CWC27: variants seen among roughly 807,000 people sequenced by gnomAD.
CWC27 encodes spliceosome-associated protein CWC27 homolog.
CWC27 carries 47 observed loss-of-function variants against 63.6 expected under a neutral mutation model. The ratio of observed to expected loss-of-function variants is 0.74; its 90% CI spans 0.58 to 0.94. The LOEUF is 0.94. Among genes scored for constraint, CWC27 ranks in the 40% least tolerant of loss-of-function variants. CWC27 has a pLI of 0.00. For missense variants in CWC27, 495 were observed against 554.3 expected (o/e 0.89, Z 1.07); for synonymous variants, 175 against 179.8 (o/e 0.97, Z 0.22).
chr5:64,863,404 T>G (rs1746457842), intron 10 of CWC27, among the ~76,000 whole-genome samples: 1 of 151,960 alleles, frequency 6.6e-6, no homozygotes, highest in African/African-American at 2.4e-5. Context: ...TCTCTCCTCC[T>G]CTGTTCTCCC....
intron 10 of CWC27, among the ~76,000 whole-genome samples, chr5:64,825,845 AC>A (rs1745342393): frequency 6.6e-6 from 1 of 152,152 alleles, no homozygotes; most frequent in East Asian, 1.9e-4. Context: ...ACAATCAGTG[AC>A]TTAGGTAAAG....
intron 13 of CWC27, among the ~76,000 whole-genome samples, chr5:64,985,145 C>G (rs1469865497): frequency 6.6e-6 from 1 of 152,098 alleles, no homozygotes; most frequent in Non-Finnish European, 1.5e-5. Context: ...TGTCTTTATC[C>G]TTTCACCATT....
chr5:64,789,410 A>C (rs1435352242), intron 7 of CWC27, among the ~76,000 whole-genome samples: 2 of 152,020 alleles, frequency 1.3e-5, no homozygotes, highest in Admixed American at 6.6e-5. Flanking sequence ...TATTTTGTTT[A>C]TTTCATTAAT....
intron 1 of CWC27, among the ~76,000 whole-genome samples, chr5:64,773,328 C>T (rs193149813): frequency 3.0e-4 from 46 of 152,186 alleles, no homozygotes; most frequent in African/African-American, 1.0e-3. Flanking sequence ...TTGAAAGCAA[C>T]ATTATGCTAA....
At chr5:64,862,725 A>C (rs904236658) in intron 10 of CWC27, among the ~76,000 whole-genome samples, 1 of 152,168 alleles carries the variant, frequency 6.6e-6, no homozygotes, top group African/African-American at 2.4e-5. Context: ...TTTGCTTTAG[A>C]CCATTCAAGC....
intron 7 of CWC27, among the ~76,000 whole-genome samples, chr5:64,794,318 G>C (rs1021793876): frequency 6.6e-6 from 1 of 151,978 alleles, no homozygotes; most frequent in African/African-American, 2.4e-5. Context: ...CTGACCAAAG[G>C]GTGCTTTGTT....
chr5:64,907,067 T>C (rs541967385), intron 11 of CWC27, among the ~76,000 whole-genome samples: 1 of 152,324 alleles, frequency 6.6e-6, no homozygotes, highest in African/African-American at 2.4e-5. Context: ...TTGGTTACTG[T>C]AGCCTTGTAG....
At chr5:64,950,774 C>T (rs1484916534) in intron 11 of CWC27, among the ~76,000 whole-genome samples, 1 of 151,896 alleles carries the variant, frequency 6.6e-6, no homozygotes, top group African/African-American at 2.4e-5. Flanking sequence ...TCCCATAAAT[C>T]CCTTTGCAGT....
At chr5:64,860,039 T>C (rs1746359718) in intron 10 of CWC27, among the ~76,000 whole-genome samples, 1 of 152,186 alleles carries the variant, frequency 6.6e-6, no homozygotes, top group African/African-American at 2.4e-5. Flanking sequence ...GTAGTTACTA[T>C]GGTTAGGCCC....
rs144539868 is a variant in CWC27, at chr5:64,795,037, A to G, written c.670-5211A>G. On this transcript the variant is annotated intron_variant, in intron 7 of 13. Coordinates refer to ENST00000381070, the MANE Select transcript of CWC27 (RefSeq NM_005869.4). ...ACATTTTTACTTCAAATCCAGAGTT[A>G]TAGAAGGGCTTTTTCCTCACTCAGA... is the stretch of plus-strand genomic sequence containing the variant. Among the ~76,000 whole-genome samples, 920 of 152,294 alleles carry G rather than the reference A, an allele frequency of 6.0e-3. 6 individuals are homozygous for G. Among genetic ancestry groups the G allele is most frequent in the African/African-American group, 0.021 (862 of 41,572 alleles).
At chr5:64,983,858 T>TTTGCTC (rs1749371308) in intron 13 of CWC27, among the ~76,000 whole-genome samples, 1 of 152,164 alleles carries the variant, frequency 6.6e-6, no homozygotes, top group Non-Finnish European at 1.5e-5. Context: ...GTTACAGAGT[T>TTTGCTC]TTGCTCTTGT....
intron 6 of CWC27, among the ~76,000 whole-genome samples, chr5:64,788,391 A>G (rs1433998210): frequency 6.6e-6 from 1 of 151,490 alleles, no homozygotes; most frequent in African/African-American, 2.4e-5. Context: ...TAACTTGTTT[A>G]TCTTACTTGA....
chr5:64,931,827 T>A (rs1748242734), intron 11 of CWC27, among the ~76,000 whole-genome samples: 1 of 152,114 alleles, frequency 6.6e-6, no homozygotes, highest in South Asian at 2.1e-4. Context: ...CTTTTGACAT[T>A]TGTCAATGTT....
chr5:64,912,703 A>G (rs1747816337), intron 11 of CWC27, among the ~76,000 whole-genome samples: 1 of 152,152 alleles, frequency 6.6e-6, no homozygotes, highest in African/African-American at 2.4e-5. Context: ...TAATTACAGG[A>G]CCCACCAACA....
At chr5:64,991,077 A>T (rs1472372818) in intron 13 of CWC27, among the ~76,000 whole-genome samples, 1 of 152,240 alleles carries the variant, frequency 6.6e-6, no homozygotes, top group Admixed American at 6.5e-5. Context: ...TGTAAGGAAG[A>T]AGGTTTCTGC....
intron 12 of CWC27, among the ~76,000 whole-genome samples, chr5:64,974,895 T>A (rs1749199850): frequency 6.6e-6 from 1 of 152,234 alleles, no homozygotes; most frequent in Non-Finnish European, 1.5e-5. Flanking sequence ...AACAATGGAC[T>A]ATTTTTAATG....
At chr5:64,915,695 C>T (rs1288387994) in intron 11 of CWC27, among the ~76,000 whole-genome samples, 1 of 152,134 alleles carries the variant, frequency 6.6e-6, no homozygotes, top group African/African-American at 2.4e-5. Context: ...TCACATGACT[C>T]AGTTTAATGA....
Position 64,788,931 on chromosome 5 carries a change from C to A in CWC27, c.600-20C>A. The A allele has an allele frequency of 1.5e-6, 2 of 1,328,152 alleles. No homozygotes were observed. Among genetic ancestry groups the A allele is most frequent in the South Asian group, 1.6e-5 (1 of 64,284 alleles). 82.3% of individuals were successfully genotyped at this position (1,328,152 alleles called of 1,614,324 possible). On this transcript the variant is annotated intron_variant, in intron 6 of 13. Transcript: ENST00000381070. ...TGACTTTCTCTTTCTTTTTTTTTTTCTTTCTTTTTTTTGGACTAGAAATTT... is the reference window on the plus strand; with the variant it reads ...TGACTTTCTCTTTCTTTTTTTTTTTATTTCTTTTTTTTGGACTAGAAATTT...
At chr5:64,914,011 A>AG (rs1561154570) in intron 11 of CWC27, among the ~76,000 whole-genome samples, 10 of 152,114 alleles carry the variant, frequency 6.6e-5, no homozygotes. Context: ...TAGAATAGAG[A>AG]GCCTGAAACA....
Sources: gnomAD v4.1 joint callset for allele counts (sites outside exome capture counted in the v4.1 genomes callset) on GRCh38, gnomAD v4.1.1 for gene constraint, MANE v1.5 for transcripts, NCBI Gene and HGNC (gene_info 2026-07-23, HGNC 2026-07-21) for gene names.